The following COLQ variants were observed in gnomAD, a reference collection of about 807,000 sequenced individuals.
COLQ encodes the protein collagen like tail subunit of asymmetric acetylcholinesterase, also known as acetylcholinesterase collagenic tail peptide.
A neutral mutation model predicts 69.0 loss-of-function variants in COLQ; 48 were observed. The ratio of observed to expected loss-of-function variants is 0.70; its 90% CI spans 0.55 to 0.88. The LOEUF is 0.88. Ranked by LOEUF, COLQ falls within the 40% of genes least tolerant of loss-of-function variation. The pLI, the probability that COLQ is intolerant of heterozygous loss-of-function variation, is 0.00. For synonymous variants in COLQ, 217 were observed against 211.2 expected, an observed-to-expected ratio of 1.03 and a Z score of -0.24; for missense variants, 618 against 594.6, an observed-to-expected ratio of 1.04 and a Z score of -0.41.
intron 11 of COLQ, 113 bp from the exon 12 acceptor site, chr3:15,466,550 G>A: frequency 4.8e-6 from 4 of 834,938 alleles, no homozygotes; most frequent in Non-Finnish European, 8.0e-6. Flanking sequence ...AGCCCAGTGG[G>A]GGATGCAGCT....
intron 1 of COLQ, among the ~76,000 whole-genome samples, chr3:15,494,369 GGAA>G (rs2062715304): frequency 2.6e-5 from 4 of 152,096 alleles, no homozygotes; most frequent in Non-Finnish European, 5.9e-5. Context: ...GTTGCAGGAG[GGAA>G]GAAGCAGGAA....
chr3:15,492,192 A>G (rs2062678488), intron 1 of COLQ, among the ~76,000 whole-genome samples: 1 of 152,248 alleles, frequency 6.6e-6, no homozygotes, highest in Non-Finnish European at 1.5e-5. Flanking sequence ...TGAATGCAAC[A>G]GCTCAAATAA....
At chr3:15,518,930 C>T (rs775619849) in intron 1 of COLQ, among the ~76,000 whole-genome samples, 26 of 152,172 alleles carry the variant, frequency 1.7e-4, no homozygotes, top group Non-Finnish European at 3.2e-4. Context: ...TCTGTGTATA[C>T]ACAGCCTATC....
intron 1 of COLQ, among the ~76,000 whole-genome samples, chr3:15,505,689 G>A (rs1261553772): frequency 6.6e-6 from 1 of 152,236 alleles, no homozygotes; most frequent in Non-Finnish European, 1.5e-5. Context: ...CTTGACAGGG[G>A]AGGACAAGTT....
At chr3:15,455,860 G>C (rs370159858) in intron 15 of COLQ, 39 bp downstream of exon 15, 2 of 1,613,326 alleles carry the variant, frequency 1.2e-6, no homozygotes, top group Non-Finnish European at 1.7e-6. Flanking sequence ...CCCCCCTGCT[G>C]TTCAGGCCTC....
intron 1 of COLQ, among the ~76,000 whole-genome samples, chr3:15,493,099 T>G (rs918076840): frequency 6.6e-6 from 1 of 152,190 alleles, no homozygotes; most frequent in Non-Finnish European, 1.5e-5. Context: ...AGGGCATTCA[T>G]GCTAATTCTG....
chr3:15,457,149 A>C (rs77664838), intron 13 of COLQ, among the ~76,000 whole-genome samples: 330 of 152,212 alleles, frequency 2.2e-3, no homozygotes, highest in African/African-American at 7.4e-3. Context: ...TTAAATATTT[A>C]AAACGTTCCC....
chr3:15,504,257 G>A (rs1290206508), intron 1 of COLQ, among the ~76,000 whole-genome samples: 3 of 152,182 alleles, frequency 2.0e-5, no homozygotes, highest in Admixed American at 6.5e-5. Flanking sequence ...TTCTAGGGCT[G>A]GGGTAACAAA....
At chr3:15,468,314 T>A (rs1459763426) in intron 11 of COLQ, among the ~76,000 whole-genome samples, 7 of 148,924 alleles carry the variant, frequency 4.7e-5, no homozygotes, top group Non-Finnish European at 1.0e-4. Flanking sequence ...GTTTCTCAGT[T>A]ACTGAAGTTT....
intron 1 of COLQ, among the ~76,000 whole-genome samples, chr3:15,510,977 C>T (rs2062978253): frequency 6.6e-6 from 1 of 152,146 alleles, no homozygotes; most frequent in African/African-American, 2.4e-5. Context: ...GAACTCCATG[C>T]CTTTTACTCT....
Position 15,499,015 on chromosome 3 carries a change from A to G in COLQ, c.107-9378T>C. 1.9e-5 allele frequency: 19 copies of G among 989,744 alleles called. No individual in the cohort carries two copies. In the South Asian group the frequency reaches 2.6e-4, roughly 14 times the overall value. The allele number at this position is 989,744 out of a possible 1,614,324, so 61.3% of individuals were successfully genotyped here. A position where few individuals can be genotyped will look rare whatever the true frequency, so the allele number is the denominator to read the frequency against. On this transcript the variant is annotated intron_variant, in intron 1 of 16. Coordinates refer to ENST00000383788, the MANE Select transcript of COLQ (RefSeq NM_005677.4). ...TATTGACTGCTCTGGTAAGCCTCAAAGTCAACCCCCCACCGAGACCGTCCA... is the reference window on the plus strand; with the variant it reads ...TATTGACTGCTCTGGTAAGCCTCAAGGTCAACCCCCCACCGAGACCGTCCA...
chr3:15,461,390 C>T (rs748303689), intron 12 of COLQ, among the ~76,000 whole-genome samples: 1 of 152,142 alleles, frequency 6.6e-6, no homozygotes, highest in Non-Finnish European at 1.5e-5. Flanking sequence ...TGCAGGGCAT[C>T]TGTTACCCCT....
chr3:15,505,966 T>A (rs1326633623), intron 1 of COLQ, among the ~76,000 whole-genome samples: 1 of 152,182 alleles, frequency 6.6e-6, no homozygotes, highest in African/African-American at 2.4e-5. Context: ...CCAGGATCTA[T>A]TGTCCAAGGG....
At chr3:15,479,902 G>GA (rs563824627) in intron 3 of COLQ, among the ~76,000 whole-genome samples, 32 of 152,140 alleles carry the variant, frequency 2.1e-4, no homozygotes, top group Non-Finnish European at 4.3e-4. Flanking sequence ...TCTTCAGCAG[G>GA]AAAAAAGTCT....
chr3:15,512,839 G>A (rs1438556712), intron 1 of COLQ, among the ~76,000 whole-genome samples: 5 of 152,122 alleles, frequency 3.3e-5, no homozygotes, highest in Admixed American at 6.5e-5. Flanking sequence ...TTTCATAGAC[G>A]AGGAGGCTGA....
chr3:15,493,670 G>A (rs2062704310), intron 1 of COLQ, among the ~76,000 whole-genome samples: 1 of 152,264 alleles, frequency 6.6e-6, no homozygotes, highest in Non-Finnish European at 1.5e-5. Flanking sequence ...GCTAAGCAGA[G>A]CCTGCCCTGG....
At chr3:15,477,748 T>C (rs1365612841) in intron 5 of COLQ, among the ~76,000 whole-genome samples, 1 of 152,168 alleles carries the variant, frequency 6.6e-6, no homozygotes, top group African/African-American at 2.4e-5. Context: ...CCCTTACCTT[T>C]GGGCAGTTGA....
chr3:15,472,846 C>T (rs1371833538), intron 10 of COLQ, among the ~76,000 whole-genome samples: 1 of 151,826 alleles, frequency 6.6e-6, no homozygotes, highest in Non-Finnish European at 1.5e-5. Flanking sequence ...TTCTTCACTT[C>T]TTTCTTCTTT....
At chr3:15,478,850 C>A in intron 5 of COLQ, 127 bp downstream of exon 5, 1 of 1,117,856 alleles carries the variant, frequency 8.9e-7, no homozygotes, top group Non-Finnish European at 1.4e-6. Flanking sequence ...GACAGCAGCA[C>A]CATCACTGTC....
Sources: allele counts gnomAD v4.1 joint callset (sites outside exome capture counted in the v4.1 genomes callset), GRCh38; gene constraint gnomAD v4.1.1; transcripts MANE v1.5; gene names NCBI Gene and HGNC (gene_info 2026-07-23, HGNC 2026-07-21).